KCNJ4: variants seen among roughly 807,000 people sequenced by gnomAD.
The protein encoded by KCNJ4 is inward rectifier potassium channel 4.
In KCNJ4, 3 loss-of-function variants were observed where a neutral mutation model predicts 25.6. The ratio of observed to expected loss-of-function variants is 0.12; its 90% CI spans 0.05 to 0.30. KCNJ4 has a LOEUF of 0.30. Ranked by LOEUF, KCNJ4 falls within the 10% of genes least tolerant of loss-of-function variation. KCNJ4 has a pLI of 1.00. For synonymous variants in KCNJ4, 257 were observed against 283.9 expected (o/e 0.91, Z 0.95); for missense variants, 286 against 666.8 (o/e 0.43, Z 6.29).
chr22:38,445,702 T>C (rs966974860), intron 1 of KCNJ4, among the ~76,000 whole-genome samples: 2 of 152,152 alleles, frequency 1.3e-5, no homozygotes, highest in Non-Finnish European at 2.9e-5. Context: ...ACTACATGCA[T>C]AGTATTTTGA....
intron 1 of KCNJ4, among the ~76,000 whole-genome samples, chr22:38,447,649 C>T (rs1360129904): frequency 1.3e-5 from 2 of 151,992 alleles, no homozygotes; most frequent in African/African-American, 2.4e-5. Context: ...CTGAGGTGTC[C>T]CAGGGGCCAA....
intron 1 of KCNJ4, among the ~76,000 whole-genome samples, chr22:38,445,023 C>T (rs974359100): frequency 6.6e-6 from 1 of 152,118 alleles, no homozygotes; most frequent in African/African-American, 2.4e-5. Flanking sequence ...AAGTCACAAA[C>T]CGGCTTTGCT....
At chr22:38,441,886 G>C (rs1337820485) in intron 1 of KCNJ4, among the ~76,000 whole-genome samples, 2 of 152,262 alleles carry the variant, frequency 1.3e-5, no homozygotes, top group Non-Finnish European at 2.9e-5. Context: ...AAAAAGCCAG[G>C]AGAGAGCTCT....
chr22:38,454,665 T>A (rs1276585769), intron 1 of KCNJ4, among the ~76,000 whole-genome samples: 1 of 151,964 alleles, frequency 6.6e-6, no homozygotes, highest in Non-Finnish European at 1.5e-5. Flanking sequence ...GCATGACAAC[T>A]GGGGTGGGTG....
In KCNJ4 at chr22:38,429,083, CAAA is replaced by C. The variant is rs10582408; in HGVS notation, c.-39-915_-39-913del. 9.8e-3 allele frequency among the ~76,000 whole-genome samples: 1,064 copies of C among 108,848 alleles called. 5 individuals are homozygous for C. Among genetic ancestry groups the C allele is most frequent in the Admixed American group, 0.012 (117 of 10,100 alleles). 71.4% of individuals were successfully genotyped at this position (108,848 alleles called of 152,430 possible). On this transcript the variant is annotated intron_variant, in intron 1 of 1. Transcript: ENST00000303592. ...TGGGTCACAGAGCAAGACCCCATGTCAAAAAAAAAAAAAAAAAAAAAAAGAAAG... is the reference window on the plus strand; with the variant it reads ...TGGGTCACAGAGCAAGACCCCATGTCAAAAAAAAAAAAAAAAAAAAGAAAG...
rs1014330174 is a variant in KCNJ4, at chr22:38,449,223, C to T, written c.-40+5757G>A. On this transcript the variant is annotated intron_variant, in intron 1 of 1. Coordinates refer to ENST00000303592, the MANE Select transcript of KCNJ4 (RefSeq NM_152868.3). The surrounding 1 kb of genome is among the most constrained non-coding windows in gnomAD (Gnocchi z 5.2). ...TGGCAGACATGTACCCACCTCCCTT[C>T]AGGTGGCCAATGAGGGTCCTGGAGG... Among the ~76,000 whole-genome samples the T allele has an allele frequency of 2.6e-5, 4 of 152,164 alleles. No homozygotes were observed. The highest frequency in any genetic ancestry group is 9.7e-5 in the African/African-American group (4 of 41,442).
At chr22:38,436,343 C>A (rs2093065358) in intron 1 of KCNJ4, among the ~76,000 whole-genome samples, 1 of 152,162 alleles carries the variant, frequency 6.6e-6, no homozygotes, top group South Asian at 2.1e-4. Flanking sequence ...ATCCACAGGG[C>A]CCTGCCCAGT....
At chr22:38,454,349 G>T (rs1490716307) in intron 1 of KCNJ4, among the ~76,000 whole-genome samples, 2 of 152,052 alleles carry the variant, frequency 1.3e-5, no homozygotes, top group African/African-American at 4.8e-5. Context: ...GGTTGCAGGG[G>T]AAGTTCTCCC....
chr22:38,430,335 T>C (rs992817485), intron 1 of KCNJ4, among the ~76,000 whole-genome samples: 2 of 152,136 alleles, frequency 1.3e-5, no homozygotes, highest in African/African-American at 2.4e-5. Context: ...AAACCCCGTC[T>C]CTACTGAAAA....
At chr22:38,451,480 A>G (rs1394370609) in intron 1 of KCNJ4, among the ~76,000 whole-genome samples, 1 of 152,192 alleles carries the variant, frequency 6.6e-6, no homozygotes, top group East Asian at 1.9e-4. Flanking sequence ...AAAGAGACCA[A>G]TAGAGGGAGG....
chr22:38,438,695 AAAAGAAAAAAAG>A (rs1443605271), intron 1 of KCNJ4, among the ~76,000 whole-genome samples: 7 of 124,386 alleles, frequency 5.6e-5, no homozygotes, highest in Non-Finnish European at 1.7e-5. Flanking sequence ...CTGAAAAAAA[AAAAGAAAAAAAG>A]AAAGAAAGAA....
chr22:38,426,514 C>T lies in KCNJ4; in HGVS notation c.*281G>A. 1 of 327,734 alleles carries T rather than the reference C, an allele frequency of 3.1e-6. No individual in the cohort carries two copies. The highest frequency in any genetic ancestry group is 5.6e-6 in the Non-Finnish European group (1 of 178,970). The allele number at this position is 327,734 out of a possible 1,614,324, so 20.3% of individuals were successfully genotyped here. On this transcript the variant is annotated 3_prime_UTR_variant, in exon 2 of 2. Transcript: ENST00000303592. ...CCCAAGGTTCTGAGAGCAAAGAGGG[C>T]ACGTCCTTGAAGAGTCAGTGGGGGA...
intron 1 of KCNJ4, among the ~76,000 whole-genome samples, chr22:38,446,062 C>T (rs1346459547): frequency 2.6e-5 from 4 of 152,178 alleles, no homozygotes; most frequent in African/African-American, 9.7e-5. Flanking sequence ...TAATAGAGCC[C>T]CCTCCTGCCC....
At chr22:38,447,860 T>C (rs2089385247) in intron 1 of KCNJ4, among the ~76,000 whole-genome samples, 1 of 151,570 alleles carries the variant, frequency 6.6e-6, no homozygotes, top group Admixed American at 6.6e-5. Flanking sequence ...GGTCAGGAGT[T>C]CAAGACCAGC....
chr22:38,430,215 G>A (rs941579873), intron 1 of KCNJ4, among the ~76,000 whole-genome samples: 2 of 152,218 alleles, frequency 1.3e-5, no homozygotes, highest in African/African-American at 4.8e-5. Flanking sequence ...TCTTGAAAAT[G>A]GGGCTGACTG....
chr22:38,436,071 G>C (rs1393995734), intron 1 of KCNJ4, among the ~76,000 whole-genome samples: 1 of 152,158 alleles, frequency 6.6e-6, no homozygotes, highest in Admixed American at 6.5e-5. Flanking sequence ...CAGCTCTGGA[G>C]CCTCTAAACA....
chr22:38,438,697 A>G (rs1258900508), intron 1 of KCNJ4, among the ~76,000 whole-genome samples: 1 of 123,138 alleles, frequency 8.1e-6, no homozygotes, highest in African/African-American at 2.7e-5. Flanking sequence ...GAAAAAAAAA[A>G]AGAAAAAAAG....
intron 1 of KCNJ4, among the ~76,000 whole-genome samples, chr22:38,446,967 A>G (rs2089379003): frequency 6.6e-6 from 1 of 151,888 alleles, no homozygotes; most frequent in Non-Finnish European, 1.5e-5. Flanking sequence ...AAAAAAAAAA[A>G]AAAGAAACAG....
chr22:38,431,738 G>C (rs142709884), intron 1 of KCNJ4, among the ~76,000 whole-genome samples: 2,328 of 152,320 alleles, frequency 0.015, 33 homozygotes, highest in Admixed American at 0.04. Context: ...GCAGGAGAGA[G>C]AGGTTCAGCT....
Sources: allele counts gnomAD v4.1 joint callset (sites outside exome capture counted in the v4.1 genomes callset), GRCh38; gene constraint gnomAD v4.1.1; non-coding constraint Gnocchi (gnomAD v3.1); transcripts MANE v1.5; gene names NCBI Gene and HGNC (gene_info 2026-07-23, HGNC 2026-07-21).